Variants in EI24 observed in about 807,000 individuals in gnomAD.
EI24 encodes the protein EI24 autophagy associated transmembrane protein, also known as etoposide-induced protein 2.4 homolog.
A neutral mutation model predicts 48.6 loss-of-function variants in EI24; 21 were observed. The ratio of observed to expected loss-of-function variants is 0.43; its 90% CI spans 0.31 to 0.62. EI24 has a LOEUF of 0.62. EI24 is among the 20% of genes least tolerant of loss of function. The probability of loss-of-function intolerance (pLI) is 0.10; values close to 1 mark genes in which losing one functional copy is unlikely to be tolerated. For synonymous variants in EI24, 114 were observed against 145.5 expected (o/e 0.78, Z 1.56); for missense variants, 280 against 410.5 (o/e 0.68, Z 2.75).
chr11:125,583,490 GAGCTA>G, intron 10 of EI24, 26 bp from the exon 11 acceptor site: 1 of 1,517,986 alleles, frequency 6.6e-7, no homozygotes, highest in Non-Finnish European at 8.9e-7. Context: ...AGTAACTGGG[GAGCTA>G]ACAAGTTGGG....
At position 125,579,010 on chromosome 11, in the gene EI24, G is replaced by C; in HGVS notation, c.503G>C (p.Ser168Thr). ...GRKPHPFPSV[S>T]KIIADMLFNL... ...AAGCCTCACCCATTCCCTAGTGTCA[G>C]CAAAATAATTGCTGACATGCTCTTC... Residue 168 changes from serine to threonine, a missense_variant, in exon 7 of 11, where the codon AGC becomes ACC. Coordinates refer to ENST00000278903, the MANE Select transcript of EI24 (RefSeq NM_004879.5). The C allele has an allele frequency of 6.3e-7, 1 of 1,587,932 alleles. No homozygotes were observed.
In EI24 at chr11:125,581,077, AAATAATAATAAT is replaced by A. The variant is rs145007951; in HGVS notation, c.674-110_674-99del. 58 of 193,386 alleles carry A rather than the reference AAATAATAATAAT, an allele frequency of 3.0e-4. 2 individuals carry two copies. The highest frequency in any genetic ancestry group is 1.7e-3 in the South Asian group (9 of 5,432). The allele number at this position is 193,386 out of a possible 1,614,324, so 12.0% of individuals were successfully genotyped here. A position where few individuals can be genotyped will look rare whatever the true frequency, so the allele number is the denominator to read the frequency against. ...GGGCATCAAAGCAAGACTCCATCTC[AAATAATAATAAT>A]AATAATAATAATAATAATAATAAAA... On this transcript the variant is annotated intron_variant, in intron 8 of 10. Transcript: ENST00000278903.
chr11:125,570,100 C>T (rs1938477946), intron 1 of EI24: 1 of 152,154 alleles, frequency 6.6e-6, no homozygotes, highest in Admixed American at 6.5e-5. Context: ...ATTTGTATTT[C>T]CAGGTTTGAG....
intron 1 of EI24, chr11:125,569,953 G>C (rs2135842469): frequency 6.3e-6 from 1 of 159,472 alleles, no homozygotes; most frequent in East Asian, 1.7e-4. Context: ...GGGAAGTGAG[G>C]ATGTTTACCT....
Position 125,569,509 on chromosome 11 carries a change from G to C in EI24, c.-135G>C. 1 of 384,258 alleles carries C rather than the reference G, an allele frequency of 2.6e-6. No homozygotes were observed. The allele number at this position is 384,258 out of a possible 1,614,324, so 23.8% of individuals were successfully genotyped here. A position where few individuals can be genotyped will look rare whatever the true frequency, so the allele number is the denominator to read the frequency against. On this transcript the variant is annotated 5_prime_UTR_variant, in exon 1 of 11. Coordinates refer to ENST00000278903, the MANE Select transcript of EI24 (RefSeq NM_004879.5). ...GCGCAGCGGCCCCGGCCCTGGAAGC[G>C]CCCCGGCGGAGCTGGCCTGCGGTGG...
intron 6 of EI24, 90 bp downstream of exon 6, chr11:125,578,347 G>A: frequency 6.5e-7 from 1 of 1,550,376 alleles, no homozygotes; most frequent in Non-Finnish European, 8.8e-7. Context: ...TGGGCATGTA[G>A]GGGGACCTGT....
At position 125,578,938 on chromosome 11, in the gene EI24, C is replaced by T; in HGVS notation, c.442-11C>T. 2.5e-6 allele frequency: 4 copies of T among 1,568,926 alleles called. No homozygotes were observed. Among genetic ancestry groups the T allele is most frequent in the Non-Finnish European group, 3.5e-6 (4 of 1,155,536 alleles). On this transcript the variant is annotated splice_polypyrimidine_tract_variant and intron_variant, in intron 6 of 10. Transcript: ENST00000278903. Reference sequence around the variant, plus strand: ...TTTAATTCATGTTTTGGTACACTTTCTCTGTTACAGGATATAGCTGACCTG... The same window carrying T: ...TTTAATTCATGTTTTGGTACACTTTTTCTGTTACAGGATATAGCTGACCTG...
intron 10 of EI24, 76 bp from the exon 11 acceptor site, chr11:125,583,445 T>C (rs1939096512): frequency 3.2e-6 from 4 of 1,231,328 alleles, no homozygotes; most frequent in Non-Finnish European, 4.5e-6. Flanking sequence ...GTTTTAAATT[T>C]AATGTCAAGT....
intron 1 of EI24, 27 bp from the exon 2 acceptor site, chr11:125,572,431 C>T (rs1938565833): frequency 9.1e-7 from 1 of 1,093,770 alleles, no homozygotes; most frequent in South Asian, 1.3e-5. Flanking sequence ...TAAATATTTG[C>T]CTCCATTATG....
In EI24 at chr11:125,575,257, C is replaced by G. The variant is rs1938690793; in HGVS notation, c.43-6C>G. The stretch of plus-strand genomic sequence containing the variant: ...ATAATAATAATAATGATAGCCTTTT[C>G]TATAGGGAATCAAAGACTCCATCTG... On this transcript the variant is annotated splice_region_variant and splice_polypyrimidine_tract_variant and intron_variant, in intron 2 of 10. Coordinates refer to ENST00000278903, the MANE Select transcript of EI24 (RefSeq NM_004879.5). The G allele has an allele frequency of 2.6e-6, 4 of 1,539,596 alleles. No homozygotes were observed. Among genetic ancestry groups the G allele is most frequent in the South Asian group, 1.2e-5 (1 of 83,430 alleles).
At chr11:125,582,824 C>T (rs1395014186) in intron 10 of EI24, among the ~76,000 whole-genome samples, 1 of 152,138 alleles carries the variant, frequency 6.6e-6, no homozygotes, top group Admixed American at 6.5e-5. Flanking sequence ...GTATTAGAGA[C>T]TTAGGTCTGC....
At chr11:125,579,665 C>G (rs1368748287) in intron 7 of EI24, among the ~76,000 whole-genome samples, 1 of 151,986 alleles carries the variant, frequency 6.6e-6, no homozygotes, top group Non-Finnish European at 1.5e-5. Flanking sequence ...AAAACTGTCT[C>G]AAAAATAAAT....
chr11:125,583,056 C>A (rs1460907694), intron 10 of EI24, among the ~76,000 whole-genome samples: 1 of 152,210 alleles, frequency 6.6e-6, no homozygotes, highest in Non-Finnish European at 1.5e-5. Flanking sequence ...CACAATACTT[C>A]AACGCTGGTG....
intron 10 of EI24, among the ~76,000 whole-genome samples, chr11:125,582,879 T>C (rs1335831459): frequency 6.6e-6 from 1 of 152,234 alleles, no homozygotes; most frequent in African/African-American, 2.4e-5. Context: ...GCTCACTGTT[T>C]ATCTTAAGAG....
chr11:125,583,868 A>G lies in EI24; in HGVS notation c.*185A>G, dbSNP rs1939116048. The G allele has an allele frequency of 1.0e-5, 7 of 702,370 alleles. 1 individual carries two copies. Among genetic ancestry groups the G allele is most frequent in the Non-Finnish European group, 1.6e-5 (7 of 431,022 alleles). 43.5% of individuals were successfully genotyped at this position (702,370 alleles called of 1,614,324 possible). A position where few individuals can be genotyped will look rare whatever the true frequency, so the allele number is the denominator to read the frequency against. ...CACGTAAGGCAGAATGTTCCCTGAC[A>G]CCAGTGTGTGGATTTTTAACATCAC... On this transcript the variant is annotated 3_prime_UTR_variant, in exon 11 of 11. Coordinates refer to ENST00000278903, the MANE Select transcript of EI24 (RefSeq NM_004879.5).
Position 125,576,738 on chromosome 11 carries a change from T to C in EI24, c.249+423T>C, listed in dbSNP as rs199553743. Among the ~76,000 whole-genome samples the C allele has an allele frequency of 8.5e-5, 13 of 152,340 alleles. No homozygotes were observed. In the East Asian group the frequency reaches 2.3e-3, roughly 27 times the overall value. On this transcript the variant is annotated intron_variant, in intron 4 of 10. Coordinates refer to ENST00000278903, the MANE Select transcript of EI24 (RefSeq NM_004879.5). ...GCATTGAAACCTATAGCAGAAAAGA[T>C]TGCCTACCATTTACTGAGAATCCCA...
At chr11:125,575,493 CT>C (rs1938703262) in intron 3 of EI24, 85 bp downstream of exon 3, 2 of 1,367,130 alleles carry the variant, frequency 1.5e-6, no homozygotes, top group Non-Finnish European at 1.9e-6. Context: ...CATTTTATTT[CT>C]TTTGTGCTTT....
chr11:125,583,339 C>CG (rs2055106991), intron 10 of EI24, among the ~76,000 whole-genome samples, 182 bp from the exon 11 acceptor site: 1 of 152,180 alleles, frequency 6.6e-6, no homozygotes, highest in African/African-American at 2.4e-5. Context: ...GCACCACGCC[C>CG]GGCTCCAATG....
At chr11:125,578,059 G>A (rs1591357866) in intron 5 of EI24, 74 bp from the exon 6 acceptor site, 29 of 1,575,712 alleles carry the variant, frequency 1.8e-5, no homozygotes, top group South Asian at 1.2e-4. Flanking sequence ...GAATAGTCAC[G>A]AGATGGGGGT....
Sources: gnomAD v4.1 joint callset for allele counts (sites outside exome capture counted in the v4.1 genomes callset) on GRCh38, gnomAD v4.1.1 for gene constraint, MANE v1.5 for transcripts, NCBI Gene and HGNC (gene_info 2026-07-23, HGNC 2026-07-21) for gene names.